CHD7: variants seen among roughly 807,000 people sequenced by gnomAD.
The protein encoded by CHD7 is chromodomain helicase DNA binding protein 7.
CHD7 carries 24 observed loss-of-function variants against 307.3 expected under a neutral mutation model. The ratio of observed to expected loss-of-function variants is 0.08; its 90% CI spans 0.06 to 0.11. The LOEUF (loss-of-function observed/expected upper bound fraction) is 0.11. Among genes scored for constraint, CHD7 ranks in the 10% least tolerant of loss-of-function variants. The pLI is 1.00. For missense variants in CHD7, 3,106 were observed against 3,727.1 expected, an observed-to-expected ratio of 0.83 and a Z score of 4.34; for synonymous variants, 1,363 against 1,349.9, an observed-to-expected ratio of 1.01 and a Z score of -0.21.
chr8:60,678,810 G>GCGGCGGCGGCGGCGGCGC lies in CHD7; in HGVS notation c.-445_-444insGCGGCGGCGGCGGCGCCG. 1 of 148,096 alleles carries GCGGCGGCGGCGGCGGCGC rather than the reference G, an allele frequency of 6.8e-6. No homozygotes were observed. Among genetic ancestry groups the GCGGCGGCGGCGGCGGCGC allele is most frequent in the African/African-American group, 2.5e-5 (1 of 40,560 alleles). The allele number at this position is 148,096 out of a possible 1,614,324, so 9.2% of individuals were successfully genotyped here. A position where few individuals can be genotyped will look rare whatever the true frequency, so the allele number is the denominator to read the frequency against. ...GGCGGCAGCGGCGGCGGCGGCGGCG[G>GCGGCGGCGGCGGCGGCGC]CGCGGGGGTTGAGTCGTGGTGGTGC... On this transcript the variant is annotated 5_prime_UTR_variant, in exon 1 of 38. Coordinates refer to ENST00000423902, the MANE Select transcript of CHD7 (RefSeq NM_017780.4).
chr8:60,750,740 A>G (rs1809603579), intron 2 of CHD7, among the ~76,000 whole-genome samples: 1 of 152,222 alleles, frequency 6.6e-6, no homozygotes, highest in Non-Finnish European at 1.5e-5. Context: ...GTGACCACAC[A>G]TGGCTGGTGG....
At chr8:60,764,731 A>G (rs1412183992) in intron 2 of CHD7, among the ~76,000 whole-genome samples, 4 of 152,176 alleles carry the variant, frequency 2.6e-5, no homozygotes, top group African/African-American at 9.7e-5. Context: ...CCCAGTTACC[A>G]TGTAGTGATG....
Position 60,678,764 on chromosome 8 carries a change from CGCG to C in CHD7, c.-469_-467del, listed in dbSNP as rs886063023. The C allele has an allele frequency of 2.5e-4, 35 of 138,180 alleles. No individual in the cohort carries two copies. The highest frequency in any genetic ancestry group is 5.6e-4 in the African/African-American group (21 of 37,738). The allele number at this position is 138,180 out of a possible 1,614,324, so 8.6% of individuals were successfully genotyped here. A position where few individuals can be genotyped will look rare whatever the true frequency, so the allele number is the denominator to read the frequency against. On this transcript the variant is annotated 5_prime_UTR_variant, in exon 1 of 38. Transcript: ENST00000423902. ...CGCGCAGGCGCTGGCGTGCTGGGGC[CGCG>C]GCGGCGGCGGCGGCGGCGGCGGCAG...
chr8:60,702,457 G>T (rs1041382384), intron 1 of CHD7, among the ~76,000 whole-genome samples: 4 of 152,094 alleles, frequency 2.6e-5, no homozygotes, highest in African/African-American at 9.7e-5. Context: ...TTCTCTGACT[G>T]TCCTTTCCGA....
chr8:60,730,405 G>T (rs1808384034), intron 1 of CHD7, among the ~76,000 whole-genome samples: 1 of 152,194 alleles, frequency 6.6e-6, no homozygotes, highest in Non-Finnish European at 1.5e-5. Context: ...GTTTCGCTGT[G>T]TGATATTTAT....
At chr8:60,820,737 T>A (rs1803988978) in intron 9 of CHD7, among the ~76,000 whole-genome samples, 3 of 152,198 alleles carry the variant, frequency 2.0e-5, no homozygotes, top group Admixed American at 6.5e-5. Flanking sequence ...ATATACAGTG[T>A]TTGGATCTTG....
chr8:60,819,550 G>A (rs1471290029), intron 8 of CHD7, among the ~76,000 whole-genome samples: 2 of 152,188 alleles, frequency 1.3e-5, no homozygotes, highest in East Asian at 3.8e-4. Context: ...TGCTTGCAGT[G>A]TATTTGGCTT....
chr8:60,792,895 T>C (rs889525720), intron 3 of CHD7, among the ~76,000 whole-genome samples: 4 of 152,208 alleles, frequency 2.6e-5, no homozygotes, highest in African/African-American at 4.8e-5. Flanking sequence ...TTGAGAAATA[T>C]GTAAAGTTTT....
intron 2 of CHD7, among the ~76,000 whole-genome samples, chr8:60,778,607 A>G (rs530324953): frequency 2.0e-5 from 3 of 152,358 alleles, no homozygotes; most frequent in East Asian, 3.9e-4. Context: ...AAAGGTAAAC[A>G]TACCTGGTAT....
At chr8:60,834,539 G>A (rs1352393386) in intron 15 of CHD7, among the ~76,000 whole-genome samples, 1 of 152,134 alleles carries the variant, frequency 6.6e-6, no homozygotes, top group Non-Finnish European at 1.5e-5. Flanking sequence ...GAACATTCTT[G>A]CTAGTGCCCT....
intron 2 of CHD7, among the ~76,000 whole-genome samples, chr8:60,773,332 A>G (rs1177922033): frequency 6.6e-6 from 1 of 152,218 alleles, no homozygotes. Flanking sequence ...GAGATGTAAG[A>G]TCAGGAACAC....
chr8:60,826,091 T>C (rs1804243673), intron 13 of CHD7, among the ~76,000 whole-genome samples: 1 of 152,190 alleles, frequency 6.6e-6, no homozygotes, highest in African/African-American at 2.4e-5. Context: ...TCCTATTACA[T>C]ATTGCAGTGT....
At chr8:60,715,096 A>G (rs1807523618) in intron 1 of CHD7, among the ~76,000 whole-genome samples, 3 of 152,244 alleles carry the variant, frequency 2.0e-5, no homozygotes, top group Admixed American at 2.0e-4. Flanking sequence ...GATTGGAGAA[A>G]GACATTAGAG....
chr8:60,828,846 G>T, intron 14 of CHD7, 40 bp downstream of exon 14: 1 of 1,580,486 alleles, frequency 6.3e-7, no homozygotes, highest in Non-Finnish European at 8.7e-7. Flanking sequence ...TTATAAAATT[G>T]AAGATTAGCC....
chr8:60,741,201 T>C (rs1808981860), intron 1 of CHD7, 58 bp from the exon 2 acceptor site: 2 of 534,282 alleles, frequency 3.7e-6, no homozygotes, highest in Middle Eastern at 4.8e-4. Flanking sequence ...GTTTTTATCA[T>C]TGGATCCTAA....
At chr8:60,810,654 A>G (rs1225805450) in intron 7 of CHD7, among the ~76,000 whole-genome samples, 1 of 152,076 alleles carries the variant, frequency 6.6e-6, no homozygotes, top group Non-Finnish European at 1.5e-5. Flanking sequence ...AAGTGATTTC[A>G]GAGTTACTAG....
chr8:60,689,435 T>A (rs1431558664), intron 1 of CHD7, among the ~76,000 whole-genome samples: 2 of 152,238 alleles, frequency 1.3e-5, no homozygotes, highest in Admixed American at 6.5e-5. Flanking sequence ...TAATAATTGC[T>A]ATTTTACAGG....
chr8:60,768,161 C>G (rs1001573452), intron 2 of CHD7, among the ~76,000 whole-genome samples: 1 of 152,098 alleles, frequency 6.6e-6, no homozygotes, highest in Non-Finnish European at 1.5e-5. Context: ...TTACTTCCCC[C>G]ACCCCGTCTT....
chr8:60,715,446 A>T (rs1311353971), intron 1 of CHD7, among the ~76,000 whole-genome samples: 2 of 151,064 alleles, frequency 1.3e-5, no homozygotes, highest in South Asian at 4.2e-4. Flanking sequence ...CAGCCTCCGG[A>T]GTAGCTGGGA....
Sources: gnomAD v4.1 joint callset for allele counts (sites outside exome capture counted in the v4.1 genomes callset) on GRCh38, gnomAD v4.1.1 for gene constraint, MANE v1.5 for transcripts, NCBI Gene and HGNC (gene_info 2026-07-23, HGNC 2026-07-21) for gene names.